XCR1: variants seen among roughly 807,000 people sequenced by gnomAD.
The protein encoded by XCR1 is X-C motif chemokine receptor 1, also known as chemokine XC receptor 1.
For synonymous variants in XCR1, 187 were observed against 188.5 expected (o/e 0.99, Z 0.06); for missense variants, 356 against 424.2 (o/e 0.84, Z 1.41).
intron 5 of XCR1, among the ~76,000 whole-genome samples, chr3:46,036,156 G>A (rs1697427695): frequency 1.3e-5 from 2 of 152,246 alleles, no homozygotes; most frequent in Admixed American, 6.5e-5. Flanking sequence ...GAATGAGAAA[G>A]TGGGATGGAG....
intron 5 of XCR1, among the ~76,000 whole-genome samples, chr3:46,043,975 C>G (rs1204731291): frequency 6.6e-6 from 1 of 151,762 alleles, no homozygotes; most frequent in Non-Finnish European, 1.5e-5. Flanking sequence ...AAGTGGTACC[C>G]CATTGTGGTT....
At chr3:46,038,106 C>A (rs1418047152) in intron 5 of XCR1, among the ~76,000 whole-genome samples, 2 of 150,464 alleles carry the variant, frequency 1.3e-5, no homozygotes, top group Admixed American at 1.3e-4. Context: ...TGGCTCACTG[C>A]AAACTCTGCC....
At chr3:46,049,820 A>C (rs1382760560) in intron 5 of XCR1, among the ~76,000 whole-genome samples, 1 of 152,228 alleles carries the variant, frequency 6.6e-6, no homozygotes, top group East Asian at 1.9e-4. Context: ...ATAAAATTGT[A>C]AAATTTTGTC....
chr3:46,034,429 T>C (rs957224601), intron 5 of XCR1, among the ~76,000 whole-genome samples: 9 of 151,256 alleles, frequency 6.0e-5, no homozygotes, highest in Admixed American at 1.3e-4. Context: ...TCTTTCCCAA[T>C]CTTTATACCT....
At chr3:46,061,387 T>C (rs1183880144) in intron 4 of XCR1, among the ~76,000 whole-genome samples, 2 of 152,206 alleles carry the variant, frequency 1.3e-5, no homozygotes, top group Non-Finnish European at 2.9e-5. Context: ...CTTCAATTCC[T>C]GCCACCATGG....
At chr3:46,054,052 C>A (rs1697803146) in exon 5 of XCR1, among the ~76,000 whole-genome samples, 1 of 152,046 alleles carries the variant, frequency 6.6e-6, no homozygotes, top group Non-Finnish European at 1.5e-5. Context: ...ACTATGTAAC[C>A]CACATGGACC....
Position 46,077,331 on chromosome 3 carries a change from T to G in XCR1, c.-514-405A>C, listed in dbSNP as rs555200128. Reference sequence around the variant, plus strand: ...TAGATTCTCATAGAAGTGCAAACCCTATTGTGAACTGTGCATGCGAGGGAC... The same window carrying G: ...TAGATTCTCATAGAAGTGCAAACCCGATTGTGAACTGTGCATGCGAGGGAC... On this transcript the variant is annotated intron_variant, in intron 1 of 5. Coordinates refer to the XCR1 transcript ENST00000683768. Among the ~76,000 whole-genome samples the G allele has an allele frequency of 2.6e-5, 4 of 152,084 alleles. No homozygotes were observed. The East Asian group carries it at 7.7e-4, about 29-fold the overall frequency.
At chr3:46,085,154 A>T (rs1375777573) in intron 1 of XCR1, among the ~76,000 whole-genome samples, 3 of 151,730 alleles carry the variant, frequency 2.0e-5, no homozygotes, top group African/African-American at 7.3e-5. Flanking sequence ...TCCTGTAATC[A>T]TGATAGCTAA....
chr3:46,022,137 C>A, intron 1 of XCR1, 159 bp from the exon 2 acceptor site: 1 of 615,652 alleles, frequency 1.6e-6, no homozygotes, highest in Non-Finnish European at 2.7e-6. Context: ...CCTGTCTCTA[C>A]AAAAAATTTA....
Position 46,059,627 on chromosome 3 carries a change from G to A in XCR1, c.-182-5557C>T, listed in dbSNP as rs546005054. Among the ~76,000 whole-genome samples the A allele has an allele frequency of 5.3e-5, 8 of 152,142 alleles. No individual in the cohort carries two copies. The East Asian group carries it at 1.4e-3, about 26-fold the overall frequency. Reference sequence around the variant, plus strand: ...TACTTCTATATAACATGCAGTATACGTATTCCATTTCCCACTTTTAGCAAA... The same window carrying A: ...TACTTCTATATAACATGCAGTATACATATTCCATTTCCCACTTTTAGCAAA... On this transcript the variant is annotated intron_variant, in intron 4 of 5. Transcript: ENST00000683768.
chr3:46,061,240 G>T (rs2125901044), intron 4 of XCR1, among the ~76,000 whole-genome samples: 2 of 152,240 alleles, frequency 1.3e-5, no homozygotes, highest in African/African-American at 4.8e-5. Flanking sequence ...TAAATAAGCT[G>T]GCTGATCACT....
chr3:46,067,969 A>G (rs1381530301), intron 3 of XCR1, among the ~76,000 whole-genome samples: 3 of 152,202 alleles, frequency 2.0e-5, no homozygotes. Context: ...TAAGCTATAG[A>G]ATTTGAAATT....
chr3:46,040,215 C>T (rs34610609), intron 5 of XCR1, among the ~76,000 whole-genome samples: 33,721 of 152,000 alleles, frequency 0.22, 5,139 homozygotes, highest in African/African-American at 0.42. Flanking sequence ...ACGGACTCCT[C>T]TTTATCAAAG....
At chr3:46,024,515 T>C (rs1397157571) in intron 1 of XCR1, among the ~76,000 whole-genome samples, 2 of 152,206 alleles carry the variant, frequency 1.3e-5, no homozygotes, top group Admixed American at 6.5e-5. Context: ...AAATATGTTA[T>C]GTGTAATTAA....
intron 1 of XCR1, among the ~76,000 whole-genome samples, chr3:46,083,084 C>T (rs528394293): frequency 1.3e-5 from 2 of 152,186 alleles, no homozygotes; most frequent in Non-Finnish European, 2.9e-5. Context: ...CAATGTAACT[C>T]ATCAGAATTC....
intron 1 of XCR1, among the ~76,000 whole-genome samples, chr3:46,026,986 T>A (rs547262076): frequency 1.1e-4 from 16 of 152,024 alleles, no homozygotes; most frequent in African/African-American, 3.6e-4. Context: ...GCTCAAGTGA[T>A]CCCCTCACCT....
chr3:46,068,813 C>T (rs2125902383), intron 3 of XCR1, among the ~76,000 whole-genome samples: 1 of 151,186 alleles, frequency 6.6e-6, no homozygotes, highest in Middle Eastern at 3.4e-3. Flanking sequence ...TGTATGGTTT[C>T]TTATATATTT....
chr3:46,066,340 G>A (rs962657405), intron 4 of XCR1, among the ~76,000 whole-genome samples: 1 of 152,166 alleles, frequency 6.6e-6, no homozygotes. Context: ...CACCTCCCGG[G>A]TTCAAGCGAT....
upstream of XCR1, among the ~76,000 whole-genome samples, chr3:46,030,707 T>TGGCAGGAGCAGCTGCAGGAGC (rs1708379341): frequency 6.6e-6 from 1 of 152,196 alleles, no homozygotes; most frequent in Non-Finnish European, 1.5e-5. Flanking sequence ...TGAGCGGTGG[T>TGGCAGGAGCAGCTGCAGGAGC]GGCAGGAGCA....
Sources: gnomAD v4.1 joint callset for allele counts (sites outside exome capture counted in the v4.1 genomes callset) on GRCh38, gnomAD v4.1.1 for gene constraint, MANE v1.5 for transcripts, NCBI Gene and HGNC (gene_info 2026-07-23, HGNC 2026-07-21) for gene names.